The following PHTF2 variants were observed in gnomAD, a reference collection of about 807,000 sequenced individuals.
The protein encoded by PHTF2 is protein PHTF2.
In PHTF2, 60 loss-of-function variants were observed where a neutral mutation model predicts 101.2. That is an observed-to-expected ratio of 0.59 (90% CI 0.48 to 0.73). The LOEUF (loss-of-function observed/expected upper bound fraction) is 0.73, where lower values mean the gene tolerates loss of function less well. Ranked by LOEUF, PHTF2 falls within the 30% of genes least tolerant of loss-of-function variation. PHTF2 has a pLI of 0.00. For synonymous variants in PHTF2, 311 were observed against 307.3 expected, an observed-to-expected ratio of 1.01 and a Z score of -0.13; for missense variants, 747 against 908.7, an observed-to-expected ratio of 0.82 and a Z score of 2.29.
chr7:77,925,097 C>T (rs848487), intron 11 of PHTF2, among the ~76,000 whole-genome samples: 113,838 of 152,104 alleles, frequency 0.75, 42,725 homozygotes, highest in East Asian at 0.86. Flanking sequence ...GCTTTTCATC[C>T]CAGAAAGGTA....
At position 77,851,793 on chromosome 7, in the gene PHTF2, TGTTAG is replaced by T. The variant is rs544210404; in HGVS notation, c.46-2936_46-2932del. ...TATTTTCTAGTTATTTACGATGCAC[TGTTAG>T]GTTGTTTGAGTTTTTCAACTTTTTT... is the stretch of plus-strand genomic sequence containing the variant. On this transcript the variant is annotated intron_variant, in intron 2 of 19. Coordinates refer to ENST00000416283, the Ensembl canonical transcript of PHTF2. Among the ~76,000 whole-genome samples the T allele has an allele frequency of 1.1e-3, 162 of 152,240 alleles. 1 individual carries two copies. The highest frequency in any genetic ancestry group is 3.8e-3 in the African/African-American group (156 of 41,566).
intron 1 of PHTF2, among the ~76,000 whole-genome samples, chr7:77,799,986 T>G (rs1296779561): frequency 1.3e-5 from 2 of 152,248 alleles, no homozygotes; most frequent in Non-Finnish European, 1.5e-5. Flanking sequence ...TTTGCCATTT[T>G]TAAACGTTTC....
At chr7:77,950,576 G>A (rs1376597494) in intron 17 of PHTF2, among the ~76,000 whole-genome samples, 2 of 152,104 alleles carry the variant, frequency 1.3e-5, no homozygotes, top group South Asian at 2.1e-4. Context: ...CAGGAGAATC[G>A]TTTGAACCCC....
chr7:77,932,087 C>T (rs1264749176), intron 12 of PHTF2, among the ~76,000 whole-genome samples: 2 of 151,944 alleles, frequency 1.3e-5, no homozygotes, highest in South Asian at 4.1e-4. Context: ...AGCGACAGAG[C>T]GGACTCTGTC....
At chr7:77,945,211 G>C (rs576419878) in intron 16 of PHTF2, among the ~76,000 whole-genome samples, 49 of 152,248 alleles carry the variant, frequency 3.2e-4, no homozygotes, top group Non-Finnish European at 5.7e-4. Context: ...GGTGGCTCGC[G>C]CCTGTAATCG....
At chr7:77,944,084 T>G (rs192047512) in intron 16 of PHTF2, among the ~76,000 whole-genome samples, 8 of 152,108 alleles carry the variant, frequency 5.3e-5, no homozygotes, top group Non-Finnish European at 1.2e-4. Context: ...TGTACATATC[T>G]GAGTTCATAA....
chr7:77,956,656 A>G (rs1219298363), exon 20 of PHTF2: 1 of 152,556 alleles, frequency 6.6e-6, no homozygotes, highest in Non-Finnish European at 1.5e-5. Context: ...TGTTTTATAA[A>G]CTTTTTCAAT....
rs1217617538 is a variant in PHTF2 at position 77,868,460 on chromosome 7, C to T, written c.147+13626C>T. ...CTGGGACTACAGGCATGTGCCAACT[C>T]GCCCAGCCAAAATTGAACTTTTTAT... On this transcript the variant is annotated intron_variant, in intron 3 of 19. Transcript: ENST00000416283. Among the ~76,000 whole-genome samples the T allele has an allele frequency of 3.3e-5, 5 of 150,736 alleles. No homozygotes were observed. In the East Asian group the frequency reaches 9.8e-4, roughly 30 times the overall value.
intron 2 of PHTF2, among the ~76,000 whole-genome samples, chr7:77,849,074 C>G (rs1027189764): frequency 8.8e-4 from 134 of 152,012 alleles, no homozygotes; most frequent in African/African-American, 2.9e-3. Flanking sequence ...TTGTGTTCCA[C>G]TGATCTTCAT....
intron 11 of PHTF2, among the ~76,000 whole-genome samples, chr7:77,928,313 A>G (rs1333932079): frequency 6.6e-6 from 1 of 152,208 alleles, no homozygotes; most frequent in African/African-American, 2.4e-5. Context: ...GCAAACTCCC[A>G]GGATAAAGTA....
intron 1 of PHTF2, among the ~76,000 whole-genome samples, chr7:77,826,540 TGTC>T (rs1427471561): frequency 3.3e-5 from 5 of 152,236 alleles, no homozygotes; most frequent in African/African-American, 1.2e-4. Context: ...CTGCTGGAGC[TGTC>T]GTCATTAAAA....
At chr7:77,846,898 C>T (rs1406163382) in intron 2 of PHTF2, among the ~76,000 whole-genome samples, 1 of 152,066 alleles carries the variant, frequency 6.6e-6, no homozygotes, top group Non-Finnish European at 1.5e-5. Context: ...TTGCCTCAGC[C>T]TCCCAAAGTG....
At chr7:77,836,119 CAAA>C (rs1210225270) in intron 1 of PHTF2, among the ~76,000 whole-genome samples, 6 of 64,482 alleles carry the variant, frequency 9.3e-5, no homozygotes, top group Admixed American at 1.8e-4. Flanking sequence ...AACTCCATCT[CAAA>C]AAAAAAAAAA....
intron 2 of PHTF2, among the ~76,000 whole-genome samples, chr7:77,847,401 G>A (rs950311539): frequency 4.6e-5 from 7 of 152,110 alleles, no homozygotes; most frequent in South Asian, 2.1e-4. Flanking sequence ...GTATAGCATC[G>A]CGACCTCTAT....
At chr7:77,828,914 CTATAATCCTAGTACT>C (rs1349998787) in intron 1 of PHTF2, among the ~76,000 whole-genome samples, 13 of 152,068 alleles carry the variant, frequency 8.5e-5, no homozygotes, top group African/African-American at 3.1e-4. Context: ...TGACTCACAC[CTATAATCCTAGTACT>C]TTGGGATGCC....
chr7:77,916,048 C>G (rs1315965216), intron 9 of PHTF2, among the ~76,000 whole-genome samples: 1 of 150,950 alleles, frequency 6.6e-6, no homozygotes, highest in East Asian at 2.0e-4. Context: ...TACGGTAATA[C>G]TTTAATTCCT....
rs184436285 is a variant in PHTF2 at position 77,854,795 on chromosome 7, G to A, written c.108G>A (p.Gln36=). The A allele has an allele frequency of 3.6e-3, 2,730 of 754,760 alleles. 8 individuals carry two copies. Among genetic ancestry groups the A allele is most frequent in the Non-Finnish European group, 5.5e-3 (2,261 of 412,122 alleles). 46.8% of individuals were successfully genotyped at this position (754,760 alleles called of 1,614,324 possible). A position where few individuals can be genotyped will look rare whatever the true frequency, so the allele number is the denominator to read the frequency against. ...AGCAAGTACTGCCTGGCTACTGCCAGTGTTCACTCAAGGACCAAGGGCTCT... is the reference window on the plus strand; with the variant it reads ...AGCAAGTACTGCCTGGCTACTGCCAATGTTCACTCAAGGACCAAGGGCTCT... Residue 36 remains glutamine (Q), a synonymous_variant, in exon 3 of 20, where the codon CAG becomes CAA. Coordinates refer to ENST00000416283, the Ensembl canonical transcript of PHTF2.
chr7:77,921,216 G>A (rs1803429412), intron 10 of PHTF2, among the ~76,000 whole-genome samples: 1 of 152,024 alleles, frequency 6.6e-6, no homozygotes, highest in South Asian at 2.1e-4. Context: ...CTTTTGTTTT[G>A]TTTTTAATCT....
At chr7:77,907,076 T>C (rs1801937075) in intron 7 of PHTF2, among the ~76,000 whole-genome samples, 2 of 152,166 alleles carry the variant, frequency 1.3e-5, no homozygotes, top group Non-Finnish European at 2.9e-5. Context: ...TGCTGTGTAC[T>C]ATGTAGATAC....
Sources: allele counts gnomAD v4.1 joint callset (sites outside exome capture counted in the v4.1 genomes callset), GRCh38; gene constraint gnomAD v4.1.1; transcripts MANE v1.5; gene names NCBI Gene and HGNC (gene_info 2026-07-23, HGNC 2026-07-21).